ZNF285: variants seen among roughly 807,000 people sequenced by gnomAD.
ZNF285 encodes zinc finger protein 285A.
A neutral mutation model predicts 6.2 loss-of-function variants in ZNF285; 4 were observed. That is an observed-to-expected ratio of 0.65 (90% CI 0.32 to 1.49). The LOEUF is 1.49. Among genes scored for constraint, ZNF285 ranks in the 40% most tolerant of loss-of-function variants. The pLI is 0.07. For synonymous variants in ZNF285, 240 were observed against 245.8 expected (o/e 0.98, Z 0.22); for missense variants, 695 against 708.8 (o/e 0.98, Z 0.22).
rs148731889 is a variant in ZNF285, at chr19:44,398,144, C to A, written c.-43-888G>T. 2.9e-3 allele frequency among the ~76,000 whole-genome samples: 449 copies of A among 152,278 alleles called. 5 individuals carry two copies. Among genetic ancestry groups the A allele is most frequent in the African/African-American group, 0.01 (420 of 41,532 alleles). On this transcript the variant is annotated intron_variant, in intron 1 of 3. Coordinates refer to ENST00000614994, the MANE Select transcript of ZNF285 (RefSeq NM_152354.6). Reference sequence around the variant, plus strand: ...TCTCCAGCACCCATTCTATCCCCTGCTTTTGCAAATATTGATGACACACCT... The same window carrying A: ...TCTCCAGCACCCATTCTATCCCCTGATTTTGCAAATATTGATGACACACCT...
rs1568383226 is a variant in ZNF285 at position 44,386,771 on chromosome 19, A to G, written c.1474T>C (p.Cys492Arg). The G allele has an allele frequency of 1.2e-6, 2 of 1,614,196 alleles. No individual in the cohort carries two copies. The highest frequency in any genetic ancestry group is 1.7e-6 in the Non-Finnish European group (2 of 1,180,022). Residue 492 changes from cysteine to arginine, a missense_variant, in exon 4 of 4, where the codon TGC becomes CGC. Coordinates refer to ENST00000614994, the MANE Select transcript of ZNF285 (RefSeq NM_152354.6). ...KPYKCEVCGK[C>R]FSYSSYFHLH... ...TGAAAATATGAACTGTAACTGAAGC[A>G]CTTTCCACACACTTCACATTTATAT...
rs562449671 is a variant in ZNF285 at position 44,398,768 on chromosome 19, T to C, written c.-43-1512A>G. 3.9e-5 allele frequency among the ~76,000 whole-genome samples: 6 copies of C among 152,280 alleles called. No individual in the cohort carries two copies. The South Asian group carries it at 1.2e-3, about 32-fold the overall frequency. On this transcript the variant is annotated intron_variant, in intron 1 of 3. Transcript: ENST00000614994. ...TGTAAACACAATTGCCTCTGGCCTTTGTGGAGAAACTTATTGTATAAAATT... is the reference window on the plus strand; with the variant it reads ...TGTAAACACAATTGCCTCTGGCCTTCGTGGAGAAACTTATTGTATAAAATT...
rs1457718861 is a variant in ZNF285 at position 44,401,596 on chromosome 19, G to A, written c.-72C>T. The stretch of plus-strand genomic sequence containing the variant: ...AGCGTCCCAAACAATGTCGCCCGCA[G>A]CGTGCGTCCAGTACCATGGCGCATG... On this transcript the variant is annotated 5_prime_UTR_variant, in exon 1 of 4. Coordinates refer to ENST00000614994, the MANE Select transcript of ZNF285 (RefSeq NM_152354.6). 1 of 152,262 alleles carries A rather than the reference G, an allele frequency of 6.6e-6. No individual in the cohort carries two copies. Among genetic ancestry groups the A allele is most frequent in the African/African-American group, 2.4e-5 (1 of 41,412 alleles). The allele number at this position is 152,262 out of a possible 1,614,324, so 9.4% of individuals were successfully genotyped here.
chr19:44,397,325 T>C, intron 1 of ZNF285, 69 bp from the exon 2 acceptor site: 6 of 1,557,098 alleles, frequency 3.9e-6, no homozygotes, highest in Non-Finnish European at 5.3e-6. Flanking sequence ...GTTCCTTCCT[T>C]ATCTGTACAA....
intron 2 of ZNF285, among the ~76,000 whole-genome samples, chr19:44,393,071 T>C (rs909903699): frequency 6.6e-6 from 1 of 152,072 alleles, no homozygotes; most frequent in Non-Finnish European, 1.5e-5. Context: ...TATTAAAAAA[T>C]AGTGGTATCA....
intron 2 of ZNF285, chr19:44,394,512 T>C (rs1399645521): frequency 5.5e-6 from 3 of 542,068 alleles, no homozygotes; most frequent in Admixed American, 6.5e-5. Context: ...TTTACCCACG[T>C]AACAAACCTG....
chr19:44,385,347 AC>A lies in ZNF285; in HGVS notation c.*1124del, dbSNP rs1480213600. 1 of 152,196 alleles carries A rather than the reference AC, an allele frequency of 6.6e-6. No individual in the cohort carries two copies. Among genetic ancestry groups the A allele is most frequent in the Non-Finnish European group, 1.5e-5 (1 of 68,038 alleles). The allele number at this position is 152,196 out of a possible 1,614,324, so 9.4% of individuals were successfully genotyped here. A position where few individuals can be genotyped will look rare whatever the true frequency, so the allele number is the denominator to read the frequency against. On this transcript the variant is annotated 3_prime_UTR_variant, in exon 4 of 4. Coordinates refer to ENST00000614994, the MANE Select transcript of ZNF285 (RefSeq NM_152354.6). The stretch of plus-strand genomic sequence containing the variant: ...GTTTCTCTATTATATGAGATTTCTT[AC>A]GTCGGTGGGTTATACTTTTCAGTAA...
chr19:44,389,001 C>G (rs554432455), intron 3 of ZNF285, among the ~76,000 whole-genome samples: 2 of 145,858 alleles, frequency 1.4e-5, no homozygotes, highest in South Asian at 4.2e-4. Context: ...TGCGGGGATG[C>G]GTATGTAAAC....
intron 2 of ZNF285, 98 bp downstream of exon 2, chr19:44,397,101 T>C: frequency 6.4e-7 from 1 of 1,553,832 alleles, no homozygotes; most frequent in Non-Finnish European, 8.8e-7. Context: ...TAATACATAG[T>C]AGTCACTCAA....
In ZNF285 at chr19:44,397,218, T is replaced by C. The variant is rs1287772043; in HGVS notation, c.-5A>G. ...ACTTACCTGGAACTTAATCATACCG[T>C]CTTCCTTTTGGAAAGGGCAGGATTC... On this transcript the variant is annotated 5_prime_UTR_variant, in exon 2 of 4. Transcript: ENST00000614994. 3.7e-6 allele frequency: 6 copies of C among 1,613,912 alleles called. No individual in the cohort carries two copies. The East Asian group carries it at 1.3e-4, about 36-fold the overall frequency.
chr19:44,392,568 C>A, intron 2 of ZNF285, 102 bp from the exon 3 acceptor site: 4 of 1,606,940 alleles, frequency 2.5e-6, no homozygotes, highest in Non-Finnish European at 3.4e-6. Flanking sequence ...TTAGATTAAA[C>A]AAAATAAACT....
chr19:44,390,895 C>A (rs371516478), intron 3 of ZNF285, among the ~76,000 whole-genome samples: 1 of 151,994 alleles, frequency 6.6e-6, no homozygotes, highest in African/African-American at 2.4e-5. Context: ...GTGGCTTGCA[C>A]CTGTAATCCC....
intron 3 of ZNF285, chr19:44,392,104 G>A (rs1012971622): frequency 1.2e-4 from 159 of 1,311,862 alleles, no homozygotes; most frequent in Non-Finnish European, 1.4e-4. Flanking sequence ...TTCCTGCACT[G>A]AATGCCCACA....
chr19:44,392,548 C>T (rs1568387596), intron 2 of ZNF285, 82 bp from the exon 3 acceptor site: 2 of 1,612,078 alleles, frequency 1.2e-6, no homozygotes, highest in Admixed American at 1.7e-5. Flanking sequence ...AATAAAACAC[C>T]ACAGTCTGAT....
chr19:44,392,241 G>A, intron 3 of ZNF285, 99 bp downstream of exon 3: 2 of 1,563,434 alleles, frequency 1.3e-6, no homozygotes, highest in South Asian at 2.5e-5. Context: ...TCTTTCCAGT[G>A]GCCAAAGTTT....
At position 44,386,913 on chromosome 19, in the gene ZNF285, G is replaced by A. The variant is rs754482521; in HGVS notation, c.1332C>T (p.His444=). Residue 444 remains histidine (H), a synonymous_variant, in exon 4 of 4, where the codon CAC becomes CAT. Transcript: ENST00000614994. ...GKGFSQCTHL[H]IHQRVHTGEK... Reference sequence around the variant, plus strand: ...CCCCTGTGTGGACTCTCTGGTGAATGTGAAGGTGTGTACATTGGCTGAAGC... The same window carrying A: ...CCCCTGTGTGGACTCTCTGGTGAATATGAAGGTGTGTACATTGGCTGAAGC... The A allele has an allele frequency of 6.2e-7, 1 of 1,613,968 alleles. No homozygotes were observed. The highest frequency in any genetic ancestry group is 1.3e-5 in the African/African-American group (1 of 74,892).
chr19:44,394,753 A>T (rs548036941), intron 2 of ZNF285, among the ~76,000 whole-genome samples: 2 of 152,302 alleles, frequency 1.3e-5, no homozygotes, highest in South Asian at 4.1e-4. Context: ...GTTACAAAGG[A>T]CTTCACAAGA....
At chr19:44,392,165 G>C (rs1015552102) in intron 3 of ZNF285, 175 bp downstream of exon 3, 2 of 1,458,246 alleles carry the variant, frequency 1.4e-6, no homozygotes, top group Non-Finnish European at 1.8e-6. Flanking sequence ...CCATCACAAG[G>C]GGCCAGATCT....
Position 44,386,423 on chromosome 19 carries a change from G to C in ZNF285, c.*49C>G. On this transcript the variant is annotated 3_prime_UTR_variant, in exon 4 of 4. Transcript: ENST00000614994. The stretch of plus-strand genomic sequence containing the variant: ...AGGCTGAGTAAGCCTCTATCATCTG[G>C]AATACAGTGTGGCTTCTGTTTTACT... 1 of 1,566,428 alleles carries C rather than the reference G, an allele frequency of 6.4e-7. No individual in the cohort carries two copies. Among genetic ancestry groups the C allele is most frequent in the Non-Finnish European group, 8.7e-7 (1 of 1,153,502 alleles).
Sources: gnomAD v4.1 joint callset for allele counts (sites outside exome capture counted in the v4.1 genomes callset) on GRCh38, gnomAD v4.1.1 for gene constraint, MANE v1.5 for transcripts, NCBI Gene and HGNC (gene_info 2026-07-23, HGNC 2026-07-21) for gene names.